TMOD1: variants seen among roughly 807,000 people sequenced by gnomAD.
The protein encoded by TMOD1 is tropomodulin 1, also known as tropomodulin-1.
Under a neutral mutation model 40.6 loss-of-function variants are expected in TMOD1, and 17 were observed. The observed-to-expected ratio is 0.42, with a 90% CI of 0.29 to 0.63. TMOD1 has a LOEUF of 0.63. Ranked by LOEUF, TMOD1 falls within the 20% of genes least tolerant of loss-of-function variation. The pLI, the probability that TMOD1 is intolerant of heterozygous loss-of-function variation, is 0.22. For missense variants in TMOD1, 391 were observed against 447.6 expected (o/e 0.87, Z 1.14); for synonymous variants, 181 against 175.0 (o/e 1.03, Z -0.27).
At chr9:97,515,213 AAC>A (rs1491312625) in intron 1 of TMOD1, among the ~76,000 whole-genome samples, 1 of 151,454 alleles carries the variant, frequency 6.6e-6, no homozygotes, top group Non-Finnish European at 1.5e-5. Context: ...AAAAAAAAAA[AAC>A]AAACCACCAT....
intron 8 of TMOD1, among the ~76,000 whole-genome samples, chr9:97,569,726 T>G (rs1830790320): frequency 6.6e-6 from 1 of 152,188 alleles, no homozygotes; most frequent in Non-Finnish European, 1.5e-5. Context: ...TCATCTTTGA[T>G]CTTCACAACA....
At chr9:97,583,850 C>A (rs1413539434) in intron 8 of TMOD1, among the ~76,000 whole-genome samples, 3 of 146,032 alleles carry the variant, frequency 2.1e-5, no homozygotes, top group Non-Finnish European at 3.0e-5. Flanking sequence ...TGGTGATATC[C>A]CCTTTATCAT....
Position 97,599,768 on chromosome 9 carries a change from A to G in TMOD1, c.*70A>G, listed in dbSNP as rs1381206179. 1.2e-6 allele frequency: 2 copies of G among 1,608,448 alleles called. No individual in the cohort carries two copies. The highest frequency in any genetic ancestry group is 1.7e-6 in the Non-Finnish European group (2 of 1,176,588). On this transcript the variant is annotated 3_prime_UTR_variant, in exon 10 of 10. Coordinates refer to ENST00000259365, the MANE Select transcript of TMOD1 (RefSeq NM_003275.4). ...TGATGACCTGTGCTCTGCAGGGGAA[A>G]CCAGAAGGCAAAATGCTGGCAGCAT...
Position 97,551,151 on chromosome 9 carries a change from G to A in TMOD1, c.278-2130G>A, listed in dbSNP as rs575199126. 2.4e-4 allele frequency among the ~76,000 whole-genome samples: 36 copies of A among 151,342 alleles called. No homozygotes were observed. In the East Asian group the frequency reaches 6.0e-3, roughly 25 times the overall value. ...TGATGCTCCTGCCTCAGCCTCCTGA[G>A]TAGCTGGGACTACAGGCACGCACCA... On this transcript the variant is annotated intron_variant, in intron 3 of 9. Coordinates refer to ENST00000259365, the MANE Select transcript of TMOD1 (RefSeq NM_003275.4).
chr9:97,586,869 C>T (rs934121504), intron 8 of TMOD1, among the ~76,000 whole-genome samples: 1 of 152,240 alleles, frequency 6.6e-6, no homozygotes, highest in African/African-American at 2.4e-5. Context: ...TCGGCTCGCG[C>T]ACGGTGCACG....
chr9:97,571,683 G>C (rs890020048), intron 8 of TMOD1, among the ~76,000 whole-genome samples: 1 of 152,216 alleles, frequency 6.6e-6, no homozygotes, highest in African/African-American at 2.4e-5. Context: ...CCTGCCCAAG[G>C]CCACACAAGA....
intron 8 of TMOD1, among the ~76,000 whole-genome samples, chr9:97,586,838 G>A (rs953292065): frequency 4.6e-5 from 7 of 152,216 alleles, no homozygotes; most frequent in Admixed American, 1.3e-4. Flanking sequence ...CTTCCCAGGT[G>A]AGGCAATGCC....
At chr9:97,545,811 C>T (rs1036272292) in intron 2 of TMOD1, among the ~76,000 whole-genome samples, 2 of 152,228 alleles carry the variant, frequency 1.3e-5, no homozygotes, top group African/African-American at 4.8e-5. Context: ...ATCCAAACAA[C>T]AACTCAATCA....
At chr9:97,549,376 C>T (rs902751194) in intron 3 of TMOD1, among the ~76,000 whole-genome samples, 3 of 152,204 alleles carry the variant, frequency 2.0e-5, no homozygotes, top group Non-Finnish European at 2.9e-5. Flanking sequence ...GGGAAGAAGT[C>T]TAGGTACCTC....
At chr9:97,547,206 C>T (rs912319455) in intron 3 of TMOD1, among the ~76,000 whole-genome samples, 1 of 152,044 alleles carries the variant, frequency 6.6e-6, no homozygotes, top group African/African-American at 2.4e-5. Flanking sequence ...TCTCCAAACC[C>T]TCTGCCCCCC....
At position 97,600,445 on chromosome 9, in the gene TMOD1, G is replaced by A; in HGVS notation, c.*747G>A. On this transcript the variant is annotated 3_prime_UTR_variant, in exon 10 of 10. Coordinates refer to ENST00000259365, the MANE Select transcript of TMOD1 (RefSeq NM_003275.4). ...GATTTATGTACAATTTAATACTGGA[G>A]TTAGAACTTTTTCCTTATTGAATGC... The A allele has an allele frequency of 1.0e-6, 1 of 985,620 alleles. No homozygotes were observed. The highest frequency in any genetic ancestry group is 1.2e-6 in the Non-Finnish European group (1 of 830,072). 61.1% of individuals were successfully genotyped at this position (985,620 alleles called of 1,614,324 possible).
At chr9:97,590,687 G>A (rs1825982732) in intron 8 of TMOD1, among the ~76,000 whole-genome samples, 1 of 151,648 alleles carries the variant, frequency 6.6e-6, no homozygotes, top group Non-Finnish European at 1.5e-5. Flanking sequence ...TTGGGGGCAG[G>A]GAACCATTAA....
At chr9:97,515,573 C>T (rs1271346017) in intron 1 of TMOD1, among the ~76,000 whole-genome samples, 1 of 152,204 alleles carries the variant, frequency 6.6e-6, no homozygotes, top group Non-Finnish European at 1.5e-5. Context: ...AGCCACCACG[C>T]TCAGCCTATT....
intron 7 of TMOD1, among the ~76,000 whole-genome samples, chr9:97,567,772 G>C (rs1563993464): frequency 6.6e-6 from 1 of 152,108 alleles, no homozygotes. Flanking sequence ...CTGAAGTGAA[G>C]GGCACTGAGG....
rs1829530362 is a variant in TMOD1 at position 97,502,989 on chromosome 9, C to T, written c.-49+1186C>T. On this transcript the variant is annotated intron_variant, in intron 1 of 9. Transcript: ENST00000259365. This position sits in a 1 kb window ranked among gnomAD's most constrained non-coding sequence, Gnocchi z 6.1. Reference sequence around the variant, plus strand: ...ACTATTACAGACCCTGTCTCCAGCCCTCGCCCTATGCCCTCAGACTCTCGG... The same window carrying T: ...ACTATTACAGACCCTGTCTCCAGCCTTCGCCCTATGCCCTCAGACTCTCGG... 6.6e-6 allele frequency among the ~76,000 whole-genome samples: 1 copy of T among 152,180 alleles called. No homozygotes were observed. Among genetic ancestry groups the T allele is most frequent in the Admixed American group, 6.5e-5 (1 of 15,286 alleles).
At chr9:97,576,419 A>G (rs1256988064) in intron 8 of TMOD1, among the ~76,000 whole-genome samples, 2 of 152,182 alleles carry the variant, frequency 1.3e-5, no homozygotes, top group East Asian at 3.8e-4. Flanking sequence ...GTGCTGCTGC[A>G]CTCTAGCCTG....
rs1476667817 is a variant in TMOD1, at chr9:97,562,621, G to A, written c.398-111G>A. 4.3e-6 allele frequency: 3 copies of A among 691,492 alleles called. No homozygotes were observed. The African/African-American group carries it at 5.7e-5, about 13-fold the overall frequency. The allele number at this position is 691,492 out of a possible 1,614,324, so 42.8% of individuals were successfully genotyped here. A position where few individuals can be genotyped will look rare whatever the true frequency, so the allele number is the denominator to read the frequency against. On this transcript the variant is annotated intron_variant, in intron 4 of 9. Coordinates refer to ENST00000259365, the MANE Select transcript of TMOD1 (RefSeq NM_003275.4). ...ATAAAATTTTGAAGTTTTCATGCAA[G>A]TGTTTCTTGCCATTTCTGTGAGCCA...
intron 4 of TMOD1, among the ~76,000 whole-genome samples, chr9:97,559,669 G>A (rs1464119468): frequency 3.3e-5 from 5 of 150,370 alleles, no homozygotes; most frequent in Admixed American, 6.6e-5. Context: ...GGAGGCTGAG[G>A]CAGGAGAATC....
chr9:97,557,894 C>CCCAGTGCTAAATTCAGCCTTG lies in TMOD1; in HGVS notation c.397+4498_397+4518dup, dbSNP rs1382425163. ...TTAAAAAAAAAAAAAAATCAAGTTC[C>CCCAGTGCTAAATTCAGCCTTG]CCAGTGCTAAATTCAGCCTTGCCAA... On this transcript the variant is annotated intron_variant, in intron 4 of 9. Coordinates refer to ENST00000259365, the MANE Select transcript of TMOD1 (RefSeq NM_003275.4). This position sits in a 1 kb window ranked among gnomAD's most constrained non-coding sequence, Gnocchi z 4.4. Among the ~76,000 whole-genome samples the CCCAGTGCTAAATTCAGCCTTG allele has an allele frequency of 6.6e-6, 1 of 152,082 alleles. No homozygotes were observed. Among genetic ancestry groups the CCCAGTGCTAAATTCAGCCTTG allele is most frequent in the African/African-American group, 2.4e-5 (1 of 41,408 alleles).
Sources: allele counts gnomAD v4.1 joint callset (sites outside exome capture counted in the v4.1 genomes callset), GRCh38; gene constraint gnomAD v4.1.1; non-coding constraint Gnocchi (gnomAD v3.1); transcripts MANE v1.5; gene names NCBI Gene and HGNC (gene_info 2026-07-23, HGNC 2026-07-21).